PDIA6: variants seen among roughly 807,000 people sequenced by gnomAD.
The protein encoded by PDIA6 is protein disulfide-isomerase A6.
A neutral mutation model predicts 58.4 loss-of-function variants in PDIA6; 29 were observed. The observed-to-expected ratio is 0.50, with a 90% CI of 0.37 to 0.68. PDIA6 has a LOEUF of 0.68. Among genes scored for constraint, PDIA6 ranks in the 30% least tolerant of loss-of-function variants. The probability of loss-of-function intolerance (pLI) is 0.00; values close to 1 mark genes in which losing one functional copy is unlikely to be tolerated. For synonymous variants in PDIA6, 192 were observed against 202.6 expected (o/e 0.95, Z 0.44); for missense variants, 480 against 551.0 (o/e 0.87, Z 1.29).
upstream of PDIA6, among the ~76,000 whole-genome samples, chr2:10,813,687 G>A (rs942397904): frequency 1.3e-5 from 2 of 151,528 alleles, no homozygotes; most frequent in African/African-American, 4.9e-5. Flanking sequence ...CCAGGCTGGA[G>A]TGCAAAGGCG....
intron 11 of PDIA6, among the ~76,000 whole-genome samples, chr2:10,786,408 G>A (rs116512166): frequency 3.3e-5 from 5 of 152,110 alleles, no homozygotes; most frequent in Non-Finnish European, 7.4e-5. Flanking sequence ...CCCCCCGCCG[G>A]CAGAGGCTGA....
intron 4 of PDIA6, 113 bp from the exon 5 acceptor site, chr2:10,793,315 A>G (rs1294648439): frequency 7.3e-6 from 5 of 680,574 alleles, no homozygotes; most frequent in South Asian, 1.6e-5. Context: ...GGTGTGACAC[A>G]GTTCTGACAC....
intron 1 of PDIA6, among the ~76,000 whole-genome samples, chr2:10,806,222 G>C (rs1251285595): frequency 3.3e-5 from 5 of 151,158 alleles, no homozygotes; most frequent in Non-Finnish European, 7.4e-5. Context: ...ACAAAAATTA[G>C]CCAGGCATGG....
At chr2:10,790,467 C>T (rs1355532585) in intron 7 of PDIA6, among the ~76,000 whole-genome samples, 3 of 152,146 alleles carry the variant, frequency 2.0e-5, no homozygotes, top group Non-Finnish European at 4.4e-5. Context: ...GCCATATGAG[C>T]AACTTGAATA....
At chr2:10,818,512 TTATTTATTTATTTATTTATTTA>T (rs1314842985) in intron 2 of PDIA6, among the ~76,000 whole-genome samples, 4 of 129,896 alleles carry the variant, frequency 3.1e-5, no homozygotes, top group Non-Finnish European at 6.7e-5. Context: ...ATTTATTTAT[TTATTTATTTATTTATTTATTTA>T]TTTTGAGATG....
In PDIA6 at chr2:10,793,220, T is replaced by TTGGC; in HGVS notation, c.347-19_347-18insGCCA. On this transcript the variant is annotated intron_variant, in intron 4 of 12. Transcript: ENST00000272227. ...TCTGCCACCTACAGGAGACGGAAGG[T>TTGGC]AGGCGGTCCTCAGCCCGGCCTTCAG... 6.3e-7 allele frequency: 1 copy of TTGGC among 1,575,830 alleles called. No individual in the cohort carries two copies. The highest frequency in any genetic ancestry group is 1.7e-5 in the Admixed American group (1 of 59,858).
chr2:10,834,725 T>TCCCTC (rs1558468727), upstream of PDIA6, among the ~76,000 whole-genome samples: 949 of 15,076 alleles, frequency 0.063, 80 homozygotes, highest in East Asian at 0.1. Context: ...CTCCCTCCCT[T>TCCCTC]CCTTCCCTCC....
At chr2:10,812,429 C>A (rs919456052) in intron 1 of PDIA6, among the ~76,000 whole-genome samples, 1 of 151,914 alleles carries the variant, frequency 6.6e-6, no homozygotes, top group African/African-American at 2.4e-5. Context: ...GCGCCCGGCT[C>A]CAGCGCACGA....
intron 1 of PDIA6, among the ~76,000 whole-genome samples, chr2:10,803,903 G>A (rs1261274959): frequency 9.5e-6 from 1 of 105,206 alleles, no homozygotes; most frequent in African/African-American, 2.8e-5. Context: ...TTGTGTCCTA[G>A]TTTTTGTGTT....
In PDIA6 at chr2:10,784,214, G is replaced by T; in HGVS notation, c.*44C>A. 2 of 1,507,818 alleles carry T rather than the reference G, an allele frequency of 1.3e-6. No homozygotes were observed. Among genetic ancestry groups the T allele is most frequent in the Non-Finnish European group, 1.8e-6 (2 of 1,093,896 alleles). The allele number at this position is 1,507,818 out of a possible 1,614,324, so 93.4% of individuals were successfully genotyped here. A position where few individuals can be genotyped will look rare whatever the true frequency, so the allele number is the denominator to read the frequency against. On this transcript the variant is annotated 3_prime_UTR_variant, in exon 13 of 13. Transcript: ENST00000272227. ...CCCTTCACTGCTGGAAAAATCCACT[G>T]GCTCCCAAGAAAAGAAAATGGTCTG... is the stretch of plus-strand genomic sequence containing the variant.
chr2:10,786,026 T>A (rs1452025277), intron 11 of PDIA6, among the ~76,000 whole-genome samples: 1 of 151,066 alleles, frequency 6.6e-6, no homozygotes, highest in Non-Finnish European at 1.5e-5. Context: ...ACAAACTTAA[T>A]GAAAACACCC....
chr2:10,816,832 G>T (rs1186593742), upstream of PDIA6, among the ~76,000 whole-genome samples: 1 of 152,216 alleles, frequency 6.6e-6, no homozygotes, highest in Non-Finnish European at 1.5e-5. Context: ...GTTGGGGGCG[G>T]AGGGTGGAGG....
upstream of PDIA6, among the ~76,000 whole-genome samples, chr2:10,836,614 T>C (rs192736972): frequency 9.1e-4 from 138 of 151,840 alleles, no homozygotes; most frequent in South Asian, 2.5e-3. Flanking sequence ...TCCAATTTGG[T>C]TGTTTTTAGC....
rs115761091 is a variant in PDIA6, at chr2:10,801,186, G to A, written c.161+1313C>T. Among the ~76,000 whole-genome samples the A allele has an allele frequency of 2.4e-3, 370 of 152,276 alleles. 3 individuals are homozygous for A. Among genetic ancestry groups the A allele is most frequent in the African/African-American group, 8.0e-3 (333 of 41,556 alleles). On this transcript the variant is annotated intron_variant, in intron 2 of 12. Transcript: ENST00000272227. ...ACCAGTGCTGGGGAGGCTGAGGTGG[G>A]AGGATTACCTGAGCCTGAGAAATCA...
At chr2:10,818,478 TTTAATTTA>T (rs200401741) in intron 2 of PDIA6, among the ~76,000 whole-genome samples, 4,708 of 120,994 alleles carry the variant, frequency 0.039, 211 homozygotes, top group East Asian at 0.095. Flanking sequence ...ACTTTAACCA[TTTAATTTA>T]TTTATTTATT....
At chr2:10,833,191 G>A (rs562153493), upstream of PDIA6, among the ~76,000 whole-genome samples, 10 of 152,274 alleles carry the variant, frequency 6.6e-5, no homozygotes, top group East Asian at 1.7e-3. Flanking sequence ...CCAGTTCCGC[G>A]GAAGGGGCCC....
intron 1 of PDIA6, among the ~76,000 whole-genome samples, chr2:10,824,411 G>T (rs1462554225): frequency 2.0e-5 from 3 of 152,228 alleles, no homozygotes; most frequent in African/African-American, 7.2e-5. Flanking sequence ...TAGCAGCGTT[G>T]TCCAGCTGGC....
At chr2:10,835,420 A>T (rs896015901), upstream of PDIA6, among the ~76,000 whole-genome samples, 1 of 151,924 alleles carries the variant, frequency 6.6e-6, no homozygotes, top group African/African-American at 2.4e-5. Flanking sequence ...TCCGGGGCGT[A>T]TTCCTTCCAG....
At chr2:10,809,032 C>A (rs371446240) in intron 1 of PDIA6, among the ~76,000 whole-genome samples, 1 of 152,262 alleles carries the variant, frequency 6.6e-6, no homozygotes, top group East Asian at 1.9e-4. Context: ...TGGTCTTGAA[C>A]TCCTGACCTC....
Sources: gnomAD v4.1 joint callset for allele counts (sites outside exome capture counted in the v4.1 genomes callset) on GRCh38, gnomAD v4.1.1 for gene constraint, MANE v1.5 for transcripts, NCBI Gene and HGNC (gene_info 2026-07-23, HGNC 2026-07-21) for gene names.